The following ATRNL1 variants were observed in gnomAD, a reference collection of about 807,000 sequenced individuals.
The protein encoded by ATRNL1 is attractin like 1.
Under a neutral mutation model 182.7 loss-of-function variants are expected in ATRNL1, and 95 were observed. That is an observed-to-expected ratio of 0.52 (90% CI 0.44 to 0.62). The LOEUF (loss-of-function observed/expected upper bound fraction) is 0.62. Among genes scored for constraint, ATRNL1 ranks in the 20% least tolerant of loss-of-function variants. The pLI is 0.00. For synonymous variants in ATRNL1, 576 were observed against 568.3 expected (o/e 1.01, Z -0.19); for missense variants, 1,471 against 1,679.5 (o/e 0.88, Z 2.17).
At chr10:115,232,719 AAC>A (rs1554900308) in intron 9 of ATRNL1, among the ~76,000 whole-genome samples, 4 of 151,952 alleles carry the variant, frequency 2.6e-5, no homozygotes, top group Admixed American at 2.6e-4. Context: ...GTGTGTGCAC[AAC>A]CAGAACTATA....
intron 26 of ATRNL1, among the ~76,000 whole-genome samples, chr10:115,718,508 G>C (rs1045604443): frequency 2.8e-4 from 43 of 152,094 alleles, no homozygotes; most frequent in Admixed American, 1.6e-3. Flanking sequence ...ATCTTGCAAA[G>C]GTCCATTGAA....
chr10:115,161,108 A>C (rs1554883166), intron 6 of ATRNL1, among the ~76,000 whole-genome samples: 2 of 151,964 alleles, frequency 1.3e-5, no homozygotes. Context: ...TTTGTTGTTT[A>C]TCTGAATTCA....
chr10:115,253,590 A>G (rs185735428), intron 10 of ATRNL1, among the ~76,000 whole-genome samples: 63 of 152,234 alleles, frequency 4.1e-4, no homozygotes, highest in African/African-American at 1.5e-3. Flanking sequence ...ATTGGTGGGC[A>G]GGGCAGATTT....
At chr10:115,812,578 G>A (rs1458533199) in intron 27 of ATRNL1, among the ~76,000 whole-genome samples, 2 of 152,130 alleles carry the variant, frequency 1.3e-5, no homozygotes, top group African/African-American at 4.8e-5. Context: ...CTGGGTTCAA[G>A]CAATTCTCCT....
At chr10:115,280,501 GA>G in intron 13 of ATRNL1, among the ~76,000 whole-genome samples, 1 of 152,146 alleles carries the variant, frequency 6.6e-6, no homozygotes, top group Admixed American at 6.5e-5. Flanking sequence ...TGTTTCTGAG[GA>G]GAAAGGTCCC....
At chr10:115,552,795 C>T (rs1853075433) in intron 26 of ATRNL1, among the ~76,000 whole-genome samples, 1 of 151,214 alleles carries the variant, frequency 6.6e-6, no homozygotes, top group African/African-American at 2.4e-5. Flanking sequence ...TACACTAACC[C>T]CAAACAAATT....
At chr10:115,125,027 AGG>A (rs1400148041) in intron 3 of ATRNL1, among the ~76,000 whole-genome samples, 1 of 152,172 alleles carries the variant, frequency 6.6e-6, no homozygotes, top group Non-Finnish European at 1.5e-5. Context: ...AGGACATTCT[AGG>A]GAGAGAAAAG....
intron 24 of ATRNL1, among the ~76,000 whole-genome samples, chr10:115,512,315 C>A (rs1046345873): frequency 4.6e-5 from 7 of 151,772 alleles, no homozygotes; most frequent in Non-Finnish European, 1.0e-4. Context: ...AATAATCATT[C>A]TTTTAAGATG....
intron 27 of ATRNL1, among the ~76,000 whole-genome samples, chr10:115,839,946 A>G (rs889033486): frequency 8.5e-5 from 13 of 152,192 alleles, no homozygotes; most frequent in South Asian, 2.1e-4. Context: ...AACTTTCCCA[A>G]TGGTTTACAT....
intron 9 of ATRNL1, among the ~76,000 whole-genome samples, chr10:115,233,391 AAC>A (rs1447706776): frequency 6.6e-6 from 1 of 152,146 alleles, no homozygotes; most frequent in Non-Finnish European, 1.5e-5. Context: ...TCTTATGTCT[AAC>A]AGTTTGCTGT....
intron 26 of ATRNL1, among the ~76,000 whole-genome samples, chr10:115,630,041 CAT>C (rs1412631227): frequency 2.6e-5 from 4 of 152,224 alleles, no homozygotes; most frequent in African/African-American, 4.8e-5. Flanking sequence ...TACAATCCCA[CAT>C]GTTTATTTTT....
chr10:115,095,250 C>A (rs1420027659), intron 1 of ATRNL1, among the ~76,000 whole-genome samples: 1 of 151,886 alleles, frequency 6.6e-6, no homozygotes, highest in Non-Finnish European at 1.5e-5. Flanking sequence ...AGGCTGATAG[C>A]CAAAATCTAG....
intron 9 of ATRNL1, among the ~76,000 whole-genome samples, chr10:115,235,840 G>A (rs2252627): frequency 0.02 from 3,010 of 151,916 alleles, 95 homozygotes; most frequent in African/African-American, 0.068. Flanking sequence ...TTTATTTCTT[G>A]TTAAACCTTT....
chr10:115,210,425 G>A (rs1335910027), intron 8 of ATRNL1, among the ~76,000 whole-genome samples: 1 of 151,776 alleles, frequency 6.6e-6, no homozygotes, highest in Non-Finnish European at 1.5e-5. Flanking sequence ...TTAAGATACA[G>A]AGTAGTTCTT....
Position 115,115,520 on chromosome 10 carries a change from A to G in ATRNL1, c.294-4665A>G, listed in dbSNP as rs573134050. Reference sequence around the variant, plus strand: ...ATCACATTTTACCCCATGAATATATACAATTATTATTTGTCAATAAAGATG... The same window carrying G: ...ATCACATTTTACCCCATGAATATATGCAATTATTATTTGTCAATAAAGATG... On this transcript the variant is annotated intron_variant, in intron 1 of 28. Coordinates refer to ENST00000355044, the MANE Select transcript of ATRNL1 (RefSeq NM_207303.4). Among the ~76,000 whole-genome samples the G allele has an allele frequency of 9.2e-5, 14 of 152,252 alleles. No individual in the cohort carries two copies. The South Asian group carries it at 2.3e-3, about 25-fold the overall frequency.
At chr10:115,560,724 G>T (rs1399349193) in intron 26 of ATRNL1, among the ~76,000 whole-genome samples, 1 of 146,940 alleles carries the variant, frequency 6.8e-6, no homozygotes, top group Non-Finnish European at 1.5e-5. Context: ...TCTTGAAAAA[G>T]AACAAAGCTT....
chr10:115,916,486 G>A (rs1378345300), intron 28 of ATRNL1, among the ~76,000 whole-genome samples: 1 of 152,192 alleles, frequency 6.6e-6, no homozygotes, highest in African/African-American at 2.4e-5. Flanking sequence ...AACGCTTAAA[G>A]CAAGTGAACT....
At chr10:115,386,082 C>T (rs1239472102) in intron 19 of ATRNL1, among the ~76,000 whole-genome samples, 2 of 151,990 alleles carry the variant, frequency 1.3e-5, no homozygotes, top group Non-Finnish European at 2.9e-5. Context: ...TTGCAAGTCT[C>T]TACAAAAATA....
intron 28 of ATRNL1, among the ~76,000 whole-genome samples, chr10:115,854,718 G>A (rs1215479266): frequency 2.0e-5 from 3 of 152,160 alleles, no homozygotes; most frequent in African/African-American, 7.2e-5. Context: ...GTCTGTTTCA[G>A]AATGGCTCAA....
Sources: gnomAD v4.1 joint callset for allele counts (sites outside exome capture counted in the v4.1 genomes callset) on GRCh38, gnomAD v4.1.1 for gene constraint, MANE v1.5 for transcripts, NCBI Gene and HGNC (gene_info 2026-07-23, HGNC 2026-07-21) for gene names.